Variants in SORBS2 observed in about 807,000 individuals in gnomAD.
SORBS2 encodes the protein sorbin and SH3 domain containing 2, also known as sorbin and SH3 domain-containing protein 2.
SORBS2 carries 46 observed loss-of-function variants against 97.7 expected under a neutral mutation model. The observed-to-expected ratio is 0.47, with a 90% confidence interval of 0.37 to 0.60. The LOEUF is 0.60. SORBS2 is among the 20% of genes least tolerant of loss of function. The pLI is 0.00. For synonymous variants in SORBS2, 476 were observed against 473.4 expected (o/e 1.01, Z -0.07); for missense variants, 1,316 against 1,282.3 (o/e 1.03, Z -0.40).
chr4:185,721,081 A>ATTATTTTT (rs2098509431), intron 2 of SORBS2, among the ~76,000 whole-genome samples: 1 of 69,598 alleles, frequency 1.4e-5, no homozygotes, highest in Non-Finnish European at 2.8e-5. Context: ...TTTCCCACCT[A>ATTATTTTT]TTCTTTTTTT....
At chr4:185,832,110 T>G (rs2099205474) in intron 1 of SORBS2, among the ~76,000 whole-genome samples, 1 of 152,204 alleles carries the variant, frequency 6.6e-6, no homozygotes, top group Non-Finnish European at 1.5e-5. Flanking sequence ...ATATTAACAC[T>G]TGGTAAGGCA....
intron 4 of SORBS2, among the ~76,000 whole-genome samples, chr4:185,638,457 A>G (rs1455241424): frequency 1.3e-5 from 2 of 152,152 alleles, no homozygotes; most frequent in Non-Finnish European, 2.9e-5. Context: ...TGAGGCATGA[A>G]CTATGGACCA....
intron 1 of SORBS2, among the ~76,000 whole-genome samples, chr4:185,945,071 C>T (rs1403877591): frequency 6.6e-6 from 1 of 152,194 alleles, no homozygotes; most frequent in Non-Finnish European, 1.5e-5. Context: ...TCATATATGC[C>T]AATGCCCGCC....
At chr4:185,646,568 C>T in intron 4 of SORBS2, 100 bp downstream of exon 13, 1 of 676,028 alleles carries the variant, frequency 1.5e-6, no homozygotes, top group Non-Finnish European at 2.7e-6. Context: ...AAGTGATTAC[C>T]TTTGTGACAA....
intron 12 of SORBS2, 71 bp from the exon 25 acceptor site, chr4:185,594,006 G>A (rs774868394): frequency 9.9e-7 from 1 of 1,005,288 alleles, no homozygotes; most frequent in East Asian, 2.4e-5. Context: ...TTGGATAATG[G>A]CATGGTACTT....
At chr4:185,795,040 G>A (rs908294898) in intron 1 of SORBS2, among the ~76,000 whole-genome samples, 1 of 152,188 alleles carries the variant, frequency 6.6e-6, no homozygotes, top group African/African-American at 2.4e-5. Context: ...AACACAAGTA[G>A]TGTGTATAGG....
chr4:185,664,644 A>G (rs2097571276), intron 4 of SORBS2, among the ~76,000 whole-genome samples: 1 of 152,228 alleles, frequency 6.6e-6, no homozygotes, highest in Non-Finnish European at 1.5e-5. Context: ...ATTTGAATGC[A>G]AAGTGTTAGA....
At chr4:185,591,743 C>T (rs551957928) in intron 13 of SORBS2, among the ~76,000 whole-genome samples, 17 of 152,316 alleles carry the variant, frequency 1.1e-4, no homozygotes, top group African/African-American at 4.1e-4. Context: ...TCTCCACCCA[C>T]TCATGGAGAC....
intron 1 of SORBS2, among the ~76,000 whole-genome samples, chr4:185,945,118 C>A (rs2099273933): frequency 6.6e-6 from 1 of 152,116 alleles, no homozygotes; most frequent in Non-Finnish European, 1.5e-5. Context: ...TGGAGATGGG[C>A]CCTGAACATT....
chr4:185,942,154 C>T (rs558217763), intron 1 of SORBS2, among the ~76,000 whole-genome samples: 1 of 152,090 alleles, frequency 6.6e-6, no homozygotes, highest in East Asian at 1.9e-4. Flanking sequence ...AGAAACTAAG[C>T]AAGATACTGA....
At chr4:185,704,367 G>A (rs937566552) in intron 2 of SORBS2, among the ~76,000 whole-genome samples, 3 of 152,066 alleles carry the variant, frequency 2.0e-5, no homozygotes, top group African/African-American at 4.8e-5. Context: ...CGCCCAGGCT[G>A]GAGTGCAGTG....
chr4:185,712,798 C>T (rs2098435337), intron 2 of SORBS2, among the ~76,000 whole-genome samples: 1 of 152,308 alleles, frequency 6.6e-6, no homozygotes, highest in South Asian at 2.1e-4. Flanking sequence ...TTGAGAGGGG[C>T]AGGCTGAGTA....
At chr4:185,824,455 C>A (rs577335485) in intron 1 of SORBS2, among the ~76,000 whole-genome samples, 1 of 152,340 alleles carries the variant, frequency 6.6e-6, no homozygotes, top group African/African-American at 2.4e-5. Flanking sequence ...GTCGCATTCA[C>A]AAGTCCTGGG....
In SORBS2 at chr4:185,635,267, A is replaced by G. The variant is rs1328419919; in HGVS notation, c.397-4669T>C. ...TTTTTTCAAAAATAGCTTAGACATTACAGAGAATTGTAAAACACAGATGTG... is the reference window on the plus strand; with the variant it reads ...TTTTTTCAAAAATAGCTTAGACATTGCAGAGAATTGTAAAACACAGATGTG... On this transcript the variant is annotated intron_variant, in intron 4 of 14. Transcript: ENST00000418609. 4.2e-6 allele frequency: 4 copies of G among 957,294 alleles called. No homozygotes were observed. In the African/African-American group the frequency reaches 5.0e-5, roughly 12 times the overall value. The allele number at this position is 957,294 out of a possible 1,614,324, so 59.3% of individuals were successfully genotyped here.
At chr4:185,772,763 A>G (rs539125103) in intron 2 of SORBS2, 1 of 152,358 alleles carries the variant, frequency 6.6e-6, no homozygotes, top group East Asian at 1.9e-4. Flanking sequence ...AAACTATAGT[A>G]GAAGATGCGG....
At chr4:185,903,080 C>T (rs1221940814) in intron 1 of SORBS2, among the ~76,000 whole-genome samples, 1 of 151,998 alleles carries the variant, frequency 6.6e-6, no homozygotes, top group East Asian at 1.9e-4. Flanking sequence ...GGTGCCTTCC[C>T]GGAGCAAAAT....
At chr4:185,733,277 G>A (rs1489810931) in intron 2 of SORBS2, among the ~76,000 whole-genome samples, 3 of 152,216 alleles carry the variant, frequency 2.0e-5, no homozygotes, top group Admixed American at 6.5e-5. Context: ...ATAGATTTGG[G>A]TAAGTTTCTC....
intron 1 of SORBS2, among the ~76,000 whole-genome samples, chr4:185,838,986 T>A (rs2099209864): frequency 6.6e-6 from 1 of 152,184 alleles, no homozygotes; most frequent in African/African-American, 2.4e-5. Context: ...CTGCTTTCCA[T>A]GGGGCATAAA....
intron 1 of SORBS2, among the ~76,000 whole-genome samples, chr4:185,863,520 T>C (rs1014152047): frequency 1.3e-5 from 2 of 152,246 alleles, no homozygotes; most frequent in Non-Finnish European, 2.9e-5. Flanking sequence ...TTGAGTTATT[T>C]CACAGATTAG....
Sources: allele counts gnomAD v4.1 joint callset (sites outside exome capture counted in the v4.1 genomes callset), GRCh38; gene constraint gnomAD v4.1.1; transcripts MANE v1.5; gene names NCBI Gene and HGNC (gene_info 2026-07-23, HGNC 2026-07-21).